BPIFB6: variants seen among roughly 807,000 people sequenced by gnomAD.
BPIFB6 encodes BPI fold containing family B member 6.
A neutral mutation model predicts 54.7 loss-of-function variants in BPIFB6; 47 were observed. The ratio of observed to expected loss-of-function variants is 0.86; its 90% CI spans 0.68 to 1.10. BPIFB6 has a LOEUF of 1.10. Among genes scored for constraint, BPIFB6 ranks in the 50% least tolerant of loss-of-function variants. The pLI is 0.00. For missense variants in BPIFB6, 603 were observed against 564.1 expected, an observed-to-expected ratio of 1.07 and a Z score of -0.70; for synonymous variants, 255 against 225.9, an observed-to-expected ratio of 1.13 and a Z score of -1.16.
At position 33,033,087 on chromosome 20, in the gene BPIFB6, AG is replaced by A. The variant is rs1245882959; in HGVS notation, c.197+5del. 1 of 1,610,132 alleles carries A rather than the reference AG, an allele frequency of 6.2e-7. No individual in the cohort carries two copies. The highest frequency in any genetic ancestry group is 1.7e-5 in the Admixed American group (1 of 59,992). ...AACCTATCAAGGGCATCACCAAGTG[AG>A]TAGGGGAGGGGAGCTGGAGGGTGGT... On this transcript the variant is annotated splice_donor_5th_base_variant and intron_variant, in intron 2 of 14. Transcript: ENST00000349552.
chr20:33,038,474 T>C (rs1979438912), intron 8 of BPIFB6, among the ~76,000 whole-genome samples: 1 of 152,092 alleles, frequency 6.6e-6, no homozygotes, highest in Non-Finnish European at 1.5e-5. Context: ...CACCCACCCA[T>C]CTTTCCGTCC....
chr20:33,043,020 T>C, intron 13 of BPIFB6, 142 bp downstream of exon 13: 1 of 775,128 alleles, frequency 1.3e-6, no homozygotes, highest in Non-Finnish European at 2.1e-6. Flanking sequence ...TGCTGAATCT[T>C]TGAAGTGAAT....
chr20:33,033,568 G>T (rs189948567), intron 2 of BPIFB6: 144 of 456,832 alleles, frequency 3.2e-4, no homozygotes, highest in African/African-American at 2.2e-3. Flanking sequence ...CTAGGACTGT[G>T]ATCAACTAGC....
At chr20:33,037,828 C>T in intron 8 of BPIFB6, 90 bp downstream of exon 8, 1 of 1,440,312 alleles carries the variant, frequency 6.9e-7, no homozygotes, top group Non-Finnish European at 9.6e-7. Context: ...TTATCCTGGC[C>T]TTGTGGGCAA....
intron 5 of BPIFB6, 72 bp from the exon 6 acceptor site, chr20:33,035,539 TG>T (rs1979299725): frequency 6.0e-6 from 9 of 1,496,846 alleles, no homozygotes; most frequent in Non-Finnish European, 7.5e-6. Context: ...GGATGGCCCG[TG>T]GTGTACCATT....
rs575820617 is a variant in BPIFB6, at chr20:33,042,068, A to G, written c.1188+53A>G. On this transcript the variant is annotated intron_variant, in intron 12 of 14. Coordinates refer to ENST00000349552, the MANE Select transcript of BPIFB6 (RefSeq NM_174897.2). ...CCGGCGTGAGGACAAGACTGGGCCTATTCTCCCTCGGAACTACAGGGCCGA... is the reference window on the plus strand; with the variant it reads ...CCGGCGTGAGGACAAGACTGGGCCTGTTCTCCCTCGGAACTACAGGGCCGA... 23 of 1,565,316 alleles carry G rather than the reference A, an allele frequency of 1.5e-5. No individual in the cohort carries two copies. In the South Asian group the frequency reaches 2.1e-4, roughly 14 times the overall value.
chr20:33,034,914 T>C lies in BPIFB6; in HGVS notation c.452+2T>C. 6.2e-7 allele frequency: 1 copy of C among 1,607,890 alleles called. No individual in the cohort carries two copies. Among genetic ancestry groups the C allele is most frequent in the Non-Finnish European group, 8.5e-7 (1 of 1,175,076 alleles). Reference sequence around the variant, plus strand: ...TGTGAAGACTAACCTGCCTAGCAAGTGAGGGGCTCTGTGGCTGGGGAGGAA... The same window carrying C: ...TGTGAAGACTAACCTGCCTAGCAAGCGAGGGGCTCTGTGGCTGGGGAGGAA... On this transcript the variant is annotated splice_donor_variant, in intron 4 of 14. Transcript: ENST00000349552. LOFTEE classifies it high-confidence loss of function.
rs1223836621 is a variant in BPIFB6 at position 33,035,642 on chromosome 20, TA to T, written c.548del (p.Tyr183LeufsTer2). ...MCPAIDAVLVYVNRKWTNLSD... is the reference protein window; with the variant it reads ...MCPAIDAVLVXVNRKWTNLSD... The stretch of plus-strand genomic sequence containing the variant: ...TCCCGCCATCGATGCAGTCCTGGTG[TA>T]TGTGAACAGGAAGTGGACCAACCTC... On this transcript the variant is annotated frameshift_variant, in exon 6 of 15. Transcript: ENST00000349552. LOFTEE classifies it high-confidence loss of function. The T allele has an allele frequency of 6.2e-7, 1 of 1,614,032 alleles. No homozygotes were observed. The highest frequency in any genetic ancestry group is 1.3e-5 in the African/African-American group (1 of 74,888).
At chr20:33,039,012 TC>T in intron 9 of BPIFB6, 50 bp downstream of exon 9, 1 of 1,588,352 alleles carries the variant, frequency 6.3e-7, no homozygotes, top group Non-Finnish European at 8.6e-7. Context: ...TGCCCTATTG[TC>T]CTCCAGTCTG....
At chr20:33,039,640 T>C (rs549045100) in intron 10 of BPIFB6, 120 bp downstream of exon 10, 1 of 1,131,768 alleles carries the variant, frequency 8.8e-7, no homozygotes, top group African/African-American at 1.6e-5. Context: ...ATCTTGATTA[T>C]GTCTGATCCT....
At chr20:33,034,392 G>A (rs1979241532) in intron 3 of BPIFB6, 102 bp downstream of exon 3, 1 of 862,726 alleles carries the variant, frequency 1.2e-6, no homozygotes, top group Admixed American at 1.8e-5. Context: ...TCTGAGTGTT[G>A]TAATCTGGGA....
intron 11 of BPIFB6, among the ~76,000 whole-genome samples, chr20:33,040,652 T>C (rs915254313): frequency 1.3e-5 from 2 of 152,198 alleles, no homozygotes; most frequent in Non-Finnish European, 2.9e-5. Flanking sequence ...AGAGTCAGGG[T>C]CCAGCTCAAA....
rs1488854311 is a variant in BPIFB6, at chr20:33,031,745, G to A, written c.97+1G>A. The A allele has an allele frequency of 4.3e-6, 7 of 1,613,960 alleles. No homozygotes were observed. In the Admixed American group the frequency reaches 5.0e-5, roughly 12 times the overall value. On this transcript the variant is annotated splice_donor_variant, in intron 1 of 14. Coordinates refer to ENST00000349552, the MANE Select transcript of BPIFB6 (RefSeq NM_174897.2). LOFTEE classifies it high-confidence loss of function. ...CGGTTGGGCATGGACATCATGAACC[G>A]TGGTGAGCTTGTGGGCCCGGGCGTG... is the stretch of plus-strand genomic sequence containing the variant.
Position 33,042,977 on chromosome 20 carries a change from G to A in BPIFB6, c.1252+99G>A, listed in dbSNP as rs972697583. Reference sequence around the variant, plus strand: ...TCTCAAAGCCCTATCACTGGGCCCAGATGGGGGAAGCTAAAAGGGAGTGGA... The same window carrying A: ...TCTCAAAGCCCTATCACTGGGCCCAAATGGGGGAAGCTAAAAGGGAGTGGA... On this transcript the variant is annotated intron_variant, in intron 13 of 14. Coordinates refer to ENST00000349552, the MANE Select transcript of BPIFB6 (RefSeq NM_174897.2). 5.6e-6 allele frequency: 6 copies of A among 1,077,512 alleles called. No homozygotes were observed. The African/African-American group carries it at 9.5e-5, about 17-fold the overall frequency. 66.7% of individuals were successfully genotyped at this position (1,077,512 alleles called of 1,614,324 possible).
intron 4 of BPIFB6, 67 bp downstream of exon 4, chr20:33,034,979 C>T (rs140946687): frequency 1.9e-6 from 3 of 1,606,268 alleles, no homozygotes; most frequent in Non-Finnish European, 2.6e-6. Flanking sequence ...ATATCACTTC[C>T]TGAGCCATGG....
intron 3 of BPIFB6, 63 bp downstream of exon 3, chr20:33,034,353 C>A: frequency 8.9e-7 from 1 of 1,121,532 alleles, no homozygotes; most frequent in Non-Finnish European, 1.4e-6. Flanking sequence ...TCCTTACATG[C>A]ACATATATTG....
intron 2 of BPIFB6, chr20:33,033,552 C>T (rs550341991): frequency 2.2e-6 from 1 of 456,580 alleles, no homozygotes. Flanking sequence ...CTGCACTCGG[C>T]AGGAACTAGG....
Position 33,031,706 on chromosome 20 carries a change from C to T in BPIFB6, c.59C>T (p.Pro20Leu). The T allele has an allele frequency of 1.2e-6, 2 of 1,614,134 alleles. No individual in the cohort carries two copies. The highest frequency in any genetic ancestry group is 1.7e-6 in the Non-Finnish European group (2 of 1,180,016). Residue 20 changes from proline to leucine, a missense_variant, in exon 1 of 15, where the codon CCT (proline) becomes CTT (leucine). Physicochemically the swap from Pro to Leu is moderately conservative, Grantham distance 98 (BLOSUM62 -3). Coordinates refer to ENST00000349552, the MANE Select transcript of BPIFB6 (RefSeq NM_174897.2). ...CTGCTGACTGGCACGCGAGCTGACC[C>T]TGGGGCACTGCTGCGGTTGGGCATG... ...CSLLTGTRAD[P>L]GALLRLGMDI...
rs60718403 is a variant in BPIFB6, at chr20:33,033,772, A to T, written c.198-414A>T. ...AATGCTACTGGCATCTACTGGGCTG[A>T]GGTCGGAGATGCTATTAGACATCCA... On this transcript the variant is annotated intron_variant, in intron 2 of 14. Coordinates refer to ENST00000349552, the MANE Select transcript of BPIFB6 (RefSeq NM_174897.2). Among the ~76,000 whole-genome samples, 631 of 152,316 alleles carry T rather than the reference A, an allele frequency of 4.1e-3. 29 individuals are homozygous for T. In the East Asian group the frequency reaches 0.097, roughly 23 times the overall value.
Sources: allele counts gnomAD v4.1 joint callset (sites outside exome capture counted in the v4.1 genomes callset), GRCh38; gene constraint gnomAD v4.1.1; transcripts MANE v1.5; gene names NCBI Gene and HGNC (gene_info 2026-07-23, HGNC 2026-07-21).